The following XKR6 variants were observed in gnomAD, a reference collection of about 807,000 sequenced individuals.
The protein encoded by XKR6 is XK-related protein 6.
Under a neutral mutation model 56.7 loss-of-function variants are expected in XKR6, and 22 were observed. The ratio of observed to expected loss-of-function variants is 0.39; its 90% CI spans 0.28 to 0.55. The LOEUF (loss-of-function observed/expected upper bound fraction) is 0.55, where lower values mean the gene tolerates loss of function less well. Ranked by LOEUF, XKR6 falls within the 20% of genes least tolerant of loss-of-function variation. The pLI, the probability that XKR6 is intolerant of heterozygous loss-of-function variation, is 0.66. For missense variants in XKR6, 852 were observed against 889.0 expected (o/e 0.96, Z 0.53); for synonymous variants, 524 against 387.8 (o/e 1.35, Z -4.13).
intron 1 of XKR6, among the ~76,000 whole-genome samples, chr8:11,057,866 C>T (rs1166830296): frequency 3.3e-5 from 5 of 152,204 alleles, no homozygotes; most frequent in Non-Finnish European, 7.3e-5. Flanking sequence ...AATGCACAGA[C>T]ATGAATCACA....
At chr8:11,098,604 T>C (rs185497561) in intron 1 of XKR6, among the ~76,000 whole-genome samples, 52 of 152,300 alleles carry the variant, frequency 3.4e-4, no homozygotes, top group Admixed American at 3.4e-3. Context: ...GTCATGCATG[T>C]TTGAATTATG....
chr8:10,917,253 C>T lies in XKR6; in HGVS notation c.961+7381G>A, dbSNP rs115896856. On this transcript the variant is annotated intron_variant, in intron 2 of 2. Transcript: ENST00000416569. Reference sequence around the variant, plus strand: ...ATAGGAGGCTTTTCTAATTACCCTCCTTGCTGTGTGACTTGGGCAACTTCC... The same window carrying T: ...ATAGGAGGCTTTTCTAATTACCCTCTTTGCTGTGTGACTTGGGCAACTTCC... 7.6e-3 allele frequency among the ~76,000 whole-genome samples: 1,153 copies of T among 152,252 alleles called. 23 individuals carry two copies. The highest frequency in any genetic ancestry group is 0.026 in the African/African-American group (1,100 of 41,532).
intron 1 of XKR6, among the ~76,000 whole-genome samples, chr8:11,081,214 A>G (rs542427426): frequency 1.3e-5 from 2 of 152,338 alleles, no homozygotes; most frequent in East Asian, 1.9e-4. Context: ...TTGCTTCCAC[A>G]GAAAACTAGA....
chr8:11,123,431 T>A (rs57911758), intron 1 of XKR6: 7,930 of 157,108 alleles, frequency 0.05, 692 homozygotes, highest in African/African-American at 0.18. Flanking sequence ...AATCTGCTTT[T>A]CTACTTCATA....
intron 1 of XKR6, among the ~76,000 whole-genome samples, chr8:11,044,236 T>C (rs1386109608): frequency 2.6e-5 from 4 of 152,210 alleles, no homozygotes; most frequent in Non-Finnish European, 4.4e-5. Flanking sequence ...CTGTAATGCA[T>C]TTAAATGTTA....
At chr8:10,902,955 G>T (rs1391781804) in intron 2 of XKR6, among the ~76,000 whole-genome samples, 3 of 152,288 alleles carry the variant, frequency 2.0e-5, no homozygotes, top group Non-Finnish European at 4.4e-5. Flanking sequence ...CATTTTTTGG[G>T]ACCGGAGTTG....
intron 1 of XKR6, among the ~76,000 whole-genome samples, chr8:10,989,436 T>C (rs910889964): frequency 1.3e-5 from 2 of 152,180 alleles, no homozygotes; most frequent in South Asian, 2.1e-4. Flanking sequence ...CCCGAGATGA[T>C]TGATATCTAC....
At chr8:10,995,566 T>G (rs1798092896) in intron 1 of XKR6, among the ~76,000 whole-genome samples, 1 of 150,482 alleles carries the variant, frequency 6.6e-6, no homozygotes, top group Non-Finnish European at 1.5e-5. Flanking sequence ...CACACGCCTG[T>G]GGTCCCAGCT....
intron 1 of XKR6, among the ~76,000 whole-genome samples, chr8:11,103,298 A>G (rs1798554161): frequency 6.6e-6 from 1 of 152,206 alleles, no homozygotes; most frequent in South Asian, 2.1e-4. Context: ...GCAATGCTCC[A>G]ACACCTGCCT....
intron 2 of XKR6, among the ~76,000 whole-genome samples, chr8:10,902,828 C>T (rs191410453): frequency 2.6e-5 from 4 of 152,282 alleles, no homozygotes; most frequent in East Asian, 3.9e-4. Context: ...GCAACAGGGG[C>T]GAGAATGATC....
intron 1 of XKR6, chr8:11,066,888 C>G (rs1169405227): frequency 2.0e-5 from 3 of 152,244 alleles, no homozygotes; most frequent in Admixed American, 2.0e-4. Flanking sequence ...TCCCCGGAAC[C>G]CACACTCCCA....
At chr8:10,982,653 G>T (rs1263617346) in intron 1 of XKR6, among the ~76,000 whole-genome samples, 1 of 152,234 alleles carries the variant, frequency 6.6e-6, no homozygotes, top group Non-Finnish European at 1.5e-5. Context: ...ATCGTTTTAT[G>T]AGAAAGTGAT....
At chr8:10,985,648 A>G (rs532305808) in intron 1 of XKR6, among the ~76,000 whole-genome samples, 2 of 152,182 alleles carry the variant, frequency 1.3e-5, no homozygotes, top group East Asian at 3.9e-4. Flanking sequence ...AACAACAAAA[A>G]CAAACAAACA....
intron 1 of XKR6, among the ~76,000 whole-genome samples, chr8:11,154,576 T>G (rs2116987603): frequency 6.6e-6 from 1 of 152,326 alleles, no homozygotes; most frequent in Middle Eastern, 3.4e-3. Context: ...AAGGTGGTTT[T>G]GGAAACACCC....
At chr8:11,165,771 C>G (rs1218184478) in intron 1 of XKR6, among the ~76,000 whole-genome samples, 1 of 152,050 alleles carries the variant, frequency 6.6e-6, no homozygotes, top group Non-Finnish European at 1.5e-5. Flanking sequence ...ATCAAAGAGC[C>G]TGAAATTCTT....
intron 1 of XKR6, among the ~76,000 whole-genome samples, chr8:10,937,930 C>A (rs1801266998): frequency 6.6e-6 from 1 of 151,482 alleles, no homozygotes. Context: ...GGGCTCCACC[C>A]AGTTCGAGCT....
Position 11,079,613 on chromosome 8 carries a change from C to G in XKR6, c.764+120963G>C, listed in dbSNP as rs115480491. The stretch of plus-strand genomic sequence containing the variant: ...CAAGGAAGAAAGAATATTGGTTTCA[C>G]TTTATGTACTTCTTGGAATTGTGTT... On this transcript the variant is annotated intron_variant, in intron 1 of 2. Coordinates refer to ENST00000416569, the MANE Select transcript of XKR6 (RefSeq NM_173683.4). 2.7e-3 allele frequency among the ~76,000 whole-genome samples: 406 copies of G among 152,326 alleles called. 2 individuals carry two copies. Among genetic ancestry groups the G allele is most frequent in the African/African-American group, 9.5e-3 (396 of 41,566 alleles).
intron 2 of XKR6, among the ~76,000 whole-genome samples, chr8:10,919,331 T>A (rs1800649099): frequency 6.6e-6 from 1 of 152,202 alleles, no homozygotes; most frequent in Admixed American, 6.5e-5. Context: ...CTGCCTAAAG[T>A]GGGCTTTCTC....
intron 1 of XKR6, among the ~76,000 whole-genome samples, chr8:11,079,220 T>G (rs933184812): frequency 6.6e-6 from 1 of 152,218 alleles, no homozygotes; most frequent in Non-Finnish European, 1.5e-5. Flanking sequence ...TCTCCTGGCT[T>G]GTCTGCAATG....
Sources: gnomAD v4.1 joint callset for allele counts (sites outside exome capture counted in the v4.1 genomes callset) on GRCh38, gnomAD v4.1.1 for gene constraint, MANE v1.5 for transcripts, NCBI Gene and HGNC (gene_info 2026-07-23, HGNC 2026-07-21) for gene names.